OTUD7B: variants seen among roughly 807,000 people sequenced by gnomAD.
OTUD7B encodes OTU deubiquitinase 7B, also known as OTU domain-containing protein 7B.
OTUD7B carries 34 observed loss-of-function variants against 82.2 expected under a neutral mutation model. The ratio of observed to expected loss-of-function variants is 0.41; its 90% CI spans 0.31 to 0.55. OTUD7B has a LOEUF of 0.55. Among genes scored for constraint, OTUD7B ranks in the 20% least tolerant of loss-of-function variants. OTUD7B has a pLI of 0.20. For synonymous variants in OTUD7B, 398 were observed against 402.7 expected (o/e 0.99, Z 0.14); for missense variants, 944 against 1,062.1 (o/e 0.89, Z 1.55).
At chr1:149,997,237 G>A (rs1237017717) in intron 1 of OTUD7B, among the ~76,000 whole-genome samples, 7 of 152,128 alleles carry the variant, frequency 4.6e-5, no homozygotes, top group African/African-American at 9.7e-5. Flanking sequence ...GGGTAGGAAC[G>A]AGTCACATCT....
chr1:149,989,259 G>A lies in OTUD7B; in HGVS notation c.-66-11683C>T, dbSNP rs373763786. On this transcript the variant is annotated intron_variant, in intron 1 of 11. Transcript: ENST00000581312. Reference sequence around the variant, plus strand: ...AGGCCGAGGTGGGCAGATCACTTGAGGTCAGGAGTTCAAGACCAGCCTAGC... The same window carrying A: ...AGGCCGAGGTGGGCAGATCACTTGAAGTCAGGAGTTCAAGACCAGCCTAGC... 8.7e-3 allele frequency among the ~76,000 whole-genome samples: 1,317 copies of A among 152,026 alleles called. 15 individuals carry two copies. Among genetic ancestry groups the A allele is most frequent in the Middle Eastern group, 0.038 (11 of 292 alleles).
At chr1:149,997,002 T>C (rs1426650002) in intron 1 of OTUD7B, among the ~76,000 whole-genome samples, 2 of 152,164 alleles carry the variant, frequency 1.3e-5, no homozygotes, top group African/African-American at 4.8e-5. Flanking sequence ...CATTTAAAAA[T>C]GCTTAAAACT....
Position 149,938,968 on chromosome 1 carries a change from A to G in OTUD7B, c.*4889T>C, listed in dbSNP as rs2092745717. 1.3e-5 allele frequency: 2 copies of G among 151,058 alleles called. No homozygotes were observed. Among genetic ancestry groups the G allele is most frequent in the Admixed American group, 6.7e-5 (1 of 15,036 alleles). The allele number at this position is 151,058 out of a possible 1,614,324, so 9.4% of individuals were successfully genotyped here. On this transcript the variant is annotated 3_prime_UTR_variant, in exon 12 of 12. Transcript: ENST00000581312. ...AAAAAAAAAAGCGGGGTGGGGGGAA[A>G]TCAGGAGGAGAAAAGAATTGGGCGA...
At chr1:149,988,300 C>T (rs2101893310) in intron 1 of OTUD7B, among the ~76,000 whole-genome samples, 1 of 152,286 alleles carries the variant, frequency 6.6e-6, no homozygotes, top group Non-Finnish European at 1.5e-5. Context: ...GTCTCAGGAA[C>T]TAGTCCCTGG....
At chr1:150,008,759 C>A (rs1652829356) in intron 1 of OTUD7B, among the ~76,000 whole-genome samples, 1 of 152,040 alleles carries the variant, frequency 6.6e-6, no homozygotes, top group Non-Finnish European at 1.5e-5. Flanking sequence ...TGGTGATAAT[C>A]AAAAATGAGG....
At chr1:150,023,889 C>G in the OTUD7B span, among the ~76,000 whole-genome samples, 1 of 152,080 alleles carries the variant, frequency 6.6e-6, no homozygotes, top group South Asian at 2.1e-4. Context: ...ACATTTTACC[C>G]TTATAAATAT....
intron 1 of OTUD7B, among the ~76,000 whole-genome samples, chr1:150,005,043 A>G (rs1337366776): frequency 6.6e-6 from 1 of 151,766 alleles, no homozygotes; most frequent in Admixed American, 6.6e-5. Context: ...TTTTATTAAG[A>G]TCTGAAATGA....
chr1:149,957,313 T>G (rs1452090877), intron 7 of OTUD7B, among the ~76,000 whole-genome samples: 2 of 151,710 alleles, frequency 1.3e-5, no homozygotes, highest in Non-Finnish European at 2.9e-5. Flanking sequence ...CCAGACCCTG[T>G]TTGCCTGGGT....
At chr1:149,960,413 T>TTTG (rs1366020859) in intron 6 of OTUD7B, among the ~76,000 whole-genome samples, 7,825 of 71,726 alleles carry the variant, frequency 0.11, 1,906 homozygotes, top group Admixed American at 0.17. Context: ...TTTTTTTTTG[T>TTTG]AGACAGAGTC....
chr1:149,971,309 T>C, intron 2 of OTUD7B, 58 bp from the exon 3 acceptor site: 1 of 1,203,956 alleles, frequency 8.3e-7, no homozygotes, highest in Non-Finnish European at 1.2e-6. Flanking sequence ...GACACAAAGA[T>C]CACACTAACT....
chr1:150,054,266 C>G, the OTUD7B span: 1 of 469,062 alleles, frequency 2.1e-6, no homozygotes, highest in Non-Finnish European at 4.1e-6. Flanking sequence ...CTTCAGTCAG[C>G]ACATGAGAAA....
chr1:150,029,457 A>T, the OTUD7B span, among the ~76,000 whole-genome samples: 2 of 152,242 alleles, frequency 1.3e-5, no homozygotes, highest in African/African-American at 4.8e-5. Flanking sequence ...GCACATAAGT[A>T]ACTATAGTAA....
the OTUD7B span, among the ~76,000 whole-genome samples, chr1:150,030,829 A>C: frequency 6.6e-6 from 1 of 152,126 alleles, no homozygotes; most frequent in East Asian, 1.9e-4. Flanking sequence ...CTGTTTTGTC[A>C]TTGAATATAG....
rs1352098198 is a variant in OTUD7B at position 149,943,950 on chromosome 1, A to G, written c.2439T>C (p.Pro813=). The G allele has an allele frequency of 1.9e-6, 3 of 1,614,028 alleles. No individual in the cohort carries two copies. The highest frequency in any genetic ancestry group is 2.5e-6 in the Non-Finnish European group (3 of 1,179,992). The change falls in exon 12 of 12, where the codon CCT becomes CCC. Residue 813 remains proline (P), a synonymous_variant. Transcript: ENST00000581312. ...AACAGGAACAGAAGTTGTTTGTCTC[A>G]GGGTGTCCATAGAAGCTGCAGTTCG... ...KQPNCSFYGH[P]ETNNFCSCCY... is the part of the protein sequence containing the mutation.
the OTUD7B span, among the ~76,000 whole-genome samples, chr1:150,034,876 C>T: frequency 1.3e-5 from 2 of 152,032 alleles, no homozygotes; most frequent in African/African-American, 4.8e-5. Flanking sequence ...GGCACGGTGG[C>T]TCACACCTGT....
chr1:150,025,470 CAA>C, the OTUD7B span, among the ~76,000 whole-genome samples: 1 of 145,408 alleles, frequency 6.9e-6, no homozygotes, highest in Non-Finnish European at 1.5e-5. Flanking sequence ...CACACACACA[CAA>C]ATAGACCTCA....
At chr1:150,050,828 C>G in the OTUD7B span, among the ~76,000 whole-genome samples, 20 of 151,302 alleles carry the variant, frequency 1.3e-4, no homozygotes, top group African/African-American at 4.4e-4. Context: ...AAATTTAAAA[C>G]TATGTAAAAA....
At chr1:150,046,755 G>T in the OTUD7B span, among the ~76,000 whole-genome samples, 2 of 150,870 alleles carry the variant, frequency 1.3e-5, no homozygotes, top group Admixed American at 6.6e-5. Context: ...GGCCTCCAGT[G>T]GCATCCTTAT....
At chr1:149,953,334 G>C (rs1444838797) in intron 7 of OTUD7B, among the ~76,000 whole-genome samples, 5 of 152,082 alleles carry the variant, frequency 3.3e-5, no homozygotes. Flanking sequence ...TTTTTGTCAG[G>C]TTTGTCAAAG....
Sources: gnomAD v4.1 joint callset for allele counts (sites outside exome capture counted in the v4.1 genomes callset) on GRCh38, gnomAD v4.1.1 for gene constraint, MANE v1.5 for transcripts, NCBI Gene and HGNC (gene_info 2026-07-23, HGNC 2026-07-21) for gene names.